The following KCNN2 variants were observed in gnomAD, a reference collection of about 807,000 sequenced individuals.
KCNN2 encodes the protein small conductance calcium-activated potassium channel protein 2.
Under a neutral mutation model 55.5 loss-of-function variants are expected in KCNN2, and 24 were observed. The observed-to-expected ratio is 0.43, with a 90% CI of 0.31 to 0.61. The LOEUF (loss-of-function observed/expected upper bound fraction) is 0.61. Ranked by LOEUF, KCNN2 falls within the 20% of genes least tolerant of loss-of-function variation. KCNN2 has a pLI of 0.08. For synonymous variants in KCNN2, 431 were observed against 336.1 expected (o/e 1.28, Z -3.09); for missense variants, 754 against 853.6 (o/e 0.88, Z 1.45).
chr5:114,476,143 C>T (rs1580897485), intron 5 of KCNN2, among the ~76,000 whole-genome samples: 1 of 150,596 alleles, frequency 6.6e-6, no homozygotes, highest in East Asian at 2.0e-4. Context: ...CCCACTAACT[C>T]GTCATCTAGC....
chr5:114,312,504 TACAA>T (rs1756425964), intron 2 of KCNN2, among the ~76,000 whole-genome samples: 2 of 138,786 alleles, frequency 1.4e-5, no homozygotes, highest in Non-Finnish European at 3.1e-5. Flanking sequence ...TCTTCTCTTG[TACAA>T]ACCCCCATAT....
At chr5:114,210,591 T>C (rs1446575627) in intron 1 of KCNN2, among the ~76,000 whole-genome samples, 1 of 152,174 alleles carries the variant, frequency 6.6e-6, no homozygotes, top group African/African-American at 2.4e-5. Context: ...ATTGTGATTA[T>C]ATGTGAGTGA....
chr5:114,232,314 G>C (rs1243675588), intron 2 of KCNN2, among the ~76,000 whole-genome samples: 1 of 151,198 alleles, frequency 6.6e-6, no homozygotes, highest in East Asian at 1.9e-4. Flanking sequence ...TTCTAAATTA[G>C]TGTTATAAAA....
intron 2 of KCNN2, among the ~76,000 whole-genome samples, chr5:114,383,464 C>CTTTTTTTTTTTTTTTTTTTTTTTTTTTTT (rs66787954): frequency 1.9e-5 from 2 of 102,696 alleles, no homozygotes. Context: ...CCACTAAATG[C>CTTTTTTTTTTTTTTTTTTTTTTTTTTTTT]TTTTTTTTTT....
At chr5:114,397,640 G>A (rs1472146246) in intron 2 of KCNN2, among the ~76,000 whole-genome samples, 1 of 152,076 alleles carries the variant, frequency 6.6e-6, no homozygotes, top group Admixed American at 6.6e-5. Context: ...GCCCCGCCTC[G>A]GCCACCCAAA....
At chr5:114,161,721 A>G (rs867851574) in intron 1 of KCNN2, among the ~76,000 whole-genome samples, 15 of 151,992 alleles carry the variant, frequency 9.9e-5, no homozygotes, top group African/African-American at 3.4e-4. Flanking sequence ...TTTTTTCTCT[A>G]AACTTCTTTT....
Position 114,137,245 on chromosome 5 carries a change from T to C in KCNN2, c.-271+80745T>C, listed in dbSNP as rs547566486. ...GAGATAAAAATGTCTTCAATGTGGG[T>C]TGCAGTACACTCTATTTTAAAAAAT... On this transcript the variant is annotated intron_variant, in intron 1 of 10. Transcript: ENST00000512097. Among the ~76,000 whole-genome samples the C allele has an allele frequency of 2.0e-5, 3 of 152,262 alleles. No homozygotes were observed. In the East Asian group the frequency reaches 5.8e-4, roughly 29 times the overall value.
chr5:114,164,826 G>C (rs1294378309), intron 1 of KCNN2, among the ~76,000 whole-genome samples: 1 of 152,110 alleles, frequency 6.6e-6, no homozygotes, highest in East Asian at 1.9e-4. Context: ...TCTGATGAAG[G>C]CTTTTTATAC....
intron 2 of KCNN2, among the ~76,000 whole-genome samples, chr5:114,325,183 A>G (rs759612032): frequency 3.9e-5 from 6 of 152,228 alleles, no homozygotes; most frequent in Non-Finnish European, 5.9e-5. Flanking sequence ...GTAAAATGCA[A>G]GAAGAAACAG....
At chr5:114,091,833 G>A (rs982971379) in intron 1 of KCNN2, among the ~76,000 whole-genome samples, 1 of 152,120 alleles carries the variant, frequency 6.6e-6, no homozygotes, top group African/African-American at 2.4e-5. Context: ...GTGGAAAACT[G>A]CTTCCGTGAT....
chr5:114,402,699 A>G (rs1758822995), intron 2 of KCNN2, among the ~76,000 whole-genome samples: 1 of 152,188 alleles, frequency 6.6e-6, no homozygotes, highest in Non-Finnish European at 1.5e-5. Context: ...GAGGAAAACA[A>G]CCCATGGTGG....
intron 3 of KCNN2, among the ~76,000 whole-genome samples, chr5:114,459,401 T>C (rs1175605789): frequency 6.6e-6 from 1 of 152,230 alleles, no homozygotes; most frequent in East Asian, 1.9e-4. Context: ...ATTGTCTAAG[T>C]ATGTGAAGCG....
At chr5:114,106,396 C>T (rs886610042) in intron 1 of KCNN2, among the ~76,000 whole-genome samples, 1 of 151,480 alleles carries the variant, frequency 6.6e-6, no homozygotes, top group Non-Finnish European at 1.5e-5. Flanking sequence ...AGGATTTATG[C>T]ATATACAGAT....
intron 2 of KCNN2, among the ~76,000 whole-genome samples, chr5:114,305,138 G>A (rs190694895): frequency 9.9e-4 from 151 of 152,316 alleles, no homozygotes; most frequent in South Asian, 3.7e-3. Context: ...GCCTAACGTT[G>A]AAGGAAAATA....
intron 2 of KCNN2, among the ~76,000 whole-genome samples, chr5:114,271,304 G>C (rs1222809837): frequency 6.6e-6 from 1 of 152,044 alleles, no homozygotes; most frequent in African/African-American, 2.4e-5. Flanking sequence ...AGTGCTGATT[G>C]GTGCATTTTT....
intron 3 of KCNN2, among the ~76,000 whole-genome samples, chr5:114,418,228 G>A (rs1315211429): frequency 6.6e-6 from 1 of 152,134 alleles, no homozygotes; most frequent in Non-Finnish European, 1.5e-5. Context: ...AGTTAACAAA[G>A]GTTAATAAGG....
rs1393782250 is a variant in KCNN2 at position 114,340,104 on chromosome 5, CTG to C, written c.-184-20839_-184-20838del. 1.3e-5 allele frequency among the ~76,000 whole-genome samples: 2 copies of C among 151,994 alleles called. 1 individual carries two copies. The highest frequency in any genetic ancestry group is 2.9e-5 in the Non-Finnish European group (2 of 67,976). On this transcript the variant is annotated intron_variant, in intron 2 of 10. Coordinates refer to the KCNN2 transcript ENST00000512097. ...ATGCTTTCTATTACACAATGAAAGA[CTG>C]TTTAAAAATAAAGTAGGAGTCAATT...
intron 2 of KCNN2, among the ~76,000 whole-genome samples, chr5:114,276,226 G>T (rs1755484524): frequency 6.6e-6 from 1 of 152,102 alleles, no homozygotes; most frequent in Non-Finnish European, 1.5e-5. Context: ...TTTTACATTT[G>T]CTGAGGTGTG....
chr5:114,147,387 A>C (rs1032259929), intron 1 of KCNN2, among the ~76,000 whole-genome samples: 3 of 152,204 alleles, frequency 2.0e-5, no homozygotes, highest in Non-Finnish European at 4.4e-5. Flanking sequence ...TCAAAGCCGG[A>C]AATTTTAGTG....
Sources: allele counts gnomAD v4.1 joint callset (sites outside exome capture counted in the v4.1 genomes callset), GRCh38; gene constraint gnomAD v4.1.1; transcripts MANE v1.5; gene names NCBI Gene and HGNC (gene_info 2026-07-23, HGNC 2026-07-21).